PDGFC: variants seen among roughly 807,000 people sequenced by gnomAD.
PDGFC encodes the protein platelet-derived growth factor C.
In PDGFC, 12 loss-of-function variants were observed where a neutral mutation model predicts 35.5. The ratio of observed to expected loss-of-function variants is 0.34; its 90% CI spans 0.22 to 0.55. The LOEUF (loss-of-function observed/expected upper bound fraction) is 0.55. PDGFC is among the 20% of genes least tolerant of loss of function. The pLI, the probability that PDGFC is intolerant of heterozygous loss-of-function variation, is 0.91. For synonymous variants in PDGFC, 159 were observed against 148.8 expected, an observed-to-expected ratio of 1.07 and a Z score of -0.50; for missense variants, 322 against 412.4, an observed-to-expected ratio of 0.78 and a Z score of 1.90.
intron 2 of PDGFC, among the ~76,000 whole-genome samples, chr4:156,812,214 A>T (rs986843072): frequency 2.0e-5 from 3 of 152,090 alleles, no homozygotes; most frequent in Non-Finnish European, 4.4e-5. Context: ...CAACTAAAAC[A>T]AACATATTCT....
intron 1 of PDGFC, among the ~76,000 whole-genome samples, chr4:156,851,960 C>T (rs942359977): frequency 8.6e-5 from 11 of 127,342 alleles, no homozygotes; most frequent in Non-Finnish European, 1.7e-5. Flanking sequence ...AAAAAAAATC[C>T]GTGTAAGGAT....
At chr4:156,835,134 A>G (rs1260297304) in intron 2 of PDGFC, among the ~76,000 whole-genome samples, 2 of 152,296 alleles carry the variant, frequency 1.3e-5, no homozygotes, top group East Asian at 3.9e-4. Flanking sequence ...GATTTTCTTA[A>G]ACTGATTACA....
intron 2 of PDGFC, among the ~76,000 whole-genome samples, chr4:156,828,246 G>A (rs1376426362): frequency 1.3e-5 from 2 of 152,032 alleles, no homozygotes; most frequent in African/African-American, 4.8e-5. Context: ...ACTTTAAAAG[G>A]TCACCGTTTA....
At chr4:156,763,558 T>C (rs1338932199) in intron 5 of PDGFC, among the ~76,000 whole-genome samples, 1 of 152,208 alleles carries the variant, frequency 6.6e-6, no homozygotes, top group Non-Finnish European at 1.5e-5. Flanking sequence ...TAAAATTCGT[T>C]TTTCTGTTTG....
At chr4:156,824,327 T>TATATACACATATACACACAC (rs1491500876) in intron 2 of PDGFC, among the ~76,000 whole-genome samples, 1 of 102,844 alleles carries the variant, frequency 9.7e-6, no homozygotes, top group Admixed American at 9.8e-5. Flanking sequence ...TATATATATA[T>TATATACACATATACACACAC]ACACACACAC....
At chr4:156,959,249 A>C (rs2110965047) in intron 1 of PDGFC, among the ~76,000 whole-genome samples, 1 of 152,112 alleles carries the variant, frequency 6.6e-6, no homozygotes, top group Admixed American at 6.6e-5. Flanking sequence ...TCCACGCACT[A>C]AACGAAAACA....
At chr4:156,825,241 C>T (rs1443702298) in intron 2 of PDGFC, among the ~76,000 whole-genome samples, 1 of 151,886 alleles carries the variant, frequency 6.6e-6, no homozygotes, top group Non-Finnish European at 1.5e-5. Context: ...CACATCAAGG[C>T]ATACTTAAAG....
At chr4:156,827,920 T>G (rs1461504994) in intron 2 of PDGFC, among the ~76,000 whole-genome samples, 2 of 152,148 alleles carry the variant, frequency 1.3e-5, no homozygotes, top group Admixed American at 6.5e-5. Context: ...AACACACATG[T>G]ACACATGGGA....
chr4:156,809,650 G>C (rs183720604), intron 3 of PDGFC, among the ~76,000 whole-genome samples: 1 of 151,314 alleles, frequency 6.6e-6, no homozygotes, highest in Non-Finnish European at 1.5e-5. Context: ...TTACATATTT[G>C]ATTTAATCCA....
At chr4:156,825,494 G>A (rs1732420308) in intron 2 of PDGFC, among the ~76,000 whole-genome samples, 1 of 149,040 alleles carries the variant, frequency 6.7e-6, no homozygotes, top group African/African-American at 2.5e-5. Flanking sequence ...AGGCTGCAGT[G>A]AGCCATGATC....
chr4:156,932,504 C>T (rs1731573969), intron 1 of PDGFC, among the ~76,000 whole-genome samples: 1 of 151,946 alleles, frequency 6.6e-6, no homozygotes, highest in African/African-American at 2.4e-5. Flanking sequence ...CCCAAATGTA[C>T]AACAATGATA....
At chr4:156,839,194 G>C (rs971091058) in intron 2 of PDGFC, among the ~76,000 whole-genome samples, 8 of 152,148 alleles carry the variant, frequency 5.3e-5, no homozygotes, top group Non-Finnish European at 1.0e-4. Context: ...TTAGACCCTG[G>C]ACCCCAGACA....
intron 2 of PDGFC, among the ~76,000 whole-genome samples, chr4:156,814,139 C>A (rs1732016573): frequency 1.3e-5 from 2 of 151,956 alleles, no homozygotes; most frequent in Admixed American, 6.6e-5. Flanking sequence ...AAAAAAAAAT[C>A]CAGATTATCT....
chr4:156,796,005 C>T (rs1047728016), intron 3 of PDGFC, among the ~76,000 whole-genome samples: 1 of 152,168 alleles, frequency 6.6e-6, no homozygotes, highest in Non-Finnish European at 1.5e-5. Flanking sequence ...CACACGTTTA[C>T]TCTGAATCCC....
intron 1 of PDGFC, among the ~76,000 whole-genome samples, chr4:156,897,516 G>A (rs1322500464): frequency 6.6e-6 from 1 of 151,836 alleles, no homozygotes; most frequent in Non-Finnish European, 1.5e-5. Context: ...AAACTGACTG[G>A]GTGAGCCCAC....
intron 1 of PDGFC, among the ~76,000 whole-genome samples, chr4:156,930,051 G>A (rs549306379): frequency 6.6e-6 from 1 of 152,296 alleles, no homozygotes; most frequent in South Asian, 2.1e-4. Context: ...GGATTGATTT[G>A]TCATTAGACT....
intron 3 of PDGFC, among the ~76,000 whole-genome samples, chr4:156,807,655 C>T (rs1419011984): frequency 6.6e-6 from 1 of 151,932 alleles, no homozygotes; most frequent in East Asian, 1.9e-4. Flanking sequence ...TAAAACTCTG[C>T]CTCTAAGACA....
At chr4:156,927,591 C>G (rs915161423) in intron 1 of PDGFC, among the ~76,000 whole-genome samples, 1 of 152,062 alleles carries the variant, frequency 6.6e-6, no homozygotes, top group Non-Finnish European at 1.5e-5. Flanking sequence ...CAGTCTCTGC[C>G]AAAACATAAC....
intron 1 of PDGFC, among the ~76,000 whole-genome samples, chr4:156,951,731 GAAAAAAA>G (rs776491759): frequency 7.6e-4 from 84 of 110,772 alleles, no homozygotes; most frequent in Middle Eastern, 5.2e-3. Context: ...CTACCTTATA[GAAAAAAA>G]AAAAAAAACA....
Sources: gnomAD v4.1 joint callset for allele counts (sites outside exome capture counted in the v4.1 genomes callset) on GRCh38, gnomAD v4.1.1 for gene constraint, MANE v1.5 for transcripts, NCBI Gene and HGNC (gene_info 2026-07-23, HGNC 2026-07-21) for gene names.